The following TYW1B variants were observed in gnomAD, a reference collection of about 807,000 sequenced individuals.
TYW1B encodes the protein S-adenosyl-L-methionine-dependent tRNA 4-demethylwyosine synthase TYW1B.
Under a neutral mutation model 86.9 loss-of-function variants are expected in TYW1B, and 73 were observed. That is an observed-to-expected ratio of 0.84 (90% CI 0.70 to 1.02). TYW1B has a LOEUF of 1.02. TYW1B is among the 50% of genes least tolerant of loss of function. TYW1B has a pLI of 0.00. For missense variants in TYW1B, 637 were observed against 827.4 expected (o/e 0.77, Z 2.82); for synonymous variants, 248 against 292.8 (o/e 0.85, Z 1.56).
chr7:72,676,608 A>AAAT (rs1378339637), intron 11 of TYW1B, among the ~76,000 whole-genome samples: 2 of 152,166 alleles, frequency 1.3e-5, no homozygotes, highest in Middle Eastern at 3.4e-3. Flanking sequence ...CACATGCTTT[A>AAAT]TTTACAGAGA....
At chr7:72,788,410 T>A (rs552499661) in intron 6 of TYW1B, among the ~76,000 whole-genome samples, 23 of 152,260 alleles carry the variant, frequency 1.5e-4, no homozygotes, top group African/African-American at 5.5e-4. Context: ...GGATCAGAAG[T>A]TTTTCAGATT....
chr7:72,697,296 A>C (rs1554451677), intron 10 of TYW1B, among the ~76,000 whole-genome samples: 1 of 152,062 alleles, frequency 6.6e-6, no homozygotes, highest in African/African-American at 2.4e-5. Context: ...AGCCTATACT[A>C]GATGTCTGAG....
rs201777065 is a variant in TYW1B, at chr7:72,713,791, C to T, written c.1200G>A (p.Pro400=). ...CTTCAAAGCGTTCTGCTTTGACGCC[C>T]GGTACTCCTGGAGAATACAGTGAGA... The part of the protein sequence containing the change: ...QNMIKQFKGV[P]GVKAERFEEG... Residue 400 remains proline, a synonymous_variant, in exon 10 of 14, where the codon CCG becomes CCA. Transcript: ENST00000620995. 2.4e-4 allele frequency: 374 copies of T among 1,579,890 alleles called. 1 individual carries two copies. The highest frequency in any genetic ancestry group is 1.2e-3 in the Middle Eastern group (7 of 5,910).
intron 11 of TYW1B, among the ~76,000 whole-genome samples, chr7:72,683,981 C>A (rs1436380828): frequency 2.0e-5 from 3 of 151,976 alleles, no homozygotes. Context: ...TGGCTGAGGA[C>A]GAAATCTCTG....
Position 72,812,973 on chromosome 7 carries a change from C to T in TYW1B, c.238-2308G>A, listed in dbSNP as rs192020348. ...TCTCAACTTGCTGGGATTATATAGG[C>T]AAGAGCCACCCCACCTGGCCTCTGT... On this transcript the variant is annotated intron_variant, in intron 3 of 13. Transcript: ENST00000620995. 6.9e-4 allele frequency among the ~76,000 whole-genome samples: 105 copies of T among 152,122 alleles called. 1 individual carries two copies. Among genetic ancestry groups the T allele is most frequent in the Admixed American group, 5.4e-3 (83 of 15,254 alleles).
intron 6 of TYW1B, among the ~76,000 whole-genome samples, chr7:72,793,116 A>G (rs555564648): frequency 2.6e-5 from 4 of 152,174 alleles, no homozygotes; most frequent in Non-Finnish European, 5.9e-5. Flanking sequence ...AGGCAGGTGG[A>G]TATCTTGAGG....
chr7:72,676,542 T>C (rs1260235233), intron 11 of TYW1B, among the ~76,000 whole-genome samples: 2 of 152,130 alleles, frequency 1.3e-5, no homozygotes, highest in African/African-American at 2.4e-5. Context: ...CTGCCATACC[T>C]GGGCAGGGTG....
chr7:72,711,518 G>A (rs1786666113), intron 10 of TYW1B, among the ~76,000 whole-genome samples: 1 of 129,992 alleles, frequency 7.7e-6, no homozygotes, highest in African/African-American at 3.0e-5. Context: ...AGCCCAGGCT[G>A]GGGTGCAGTG....
At chr7:72,818,597 A>G (rs1383008341) in intron 2 of TYW1B, among the ~76,000 whole-genome samples, 3 of 151,334 alleles carry the variant, frequency 2.0e-5, no homozygotes, top group African/African-American at 7.3e-5. Context: ...AAAAAAAAAA[A>G]AAAAGGAAAA....
At chr7:72,827,362 T>C (rs1788952286) in intron 1 of TYW1B, among the ~76,000 whole-genome samples, 2 of 151,904 alleles carry the variant, frequency 1.3e-5, no homozygotes, top group Admixed American at 1.3e-4. Context: ...GAGCCAAGAT[T>C]GCGCCACCGC....
intron 13 of TYW1B, among the ~76,000 whole-genome samples, chr7:72,590,714 G>C (rs1339233161): frequency 1.3e-5 from 2 of 152,124 alleles, no homozygotes; most frequent in African/African-American, 4.8e-5. Context: ...AACACTGAGA[G>C]GCAAAGAATC....
At chr7:72,703,790 G>A (rs1814546885) in intron 10 of TYW1B, among the ~76,000 whole-genome samples, 2 of 151,678 alleles carry the variant, frequency 1.3e-5, no homozygotes, top group South Asian at 4.2e-4. Context: ...GAAAGGCAGA[G>A]GCTGCAGTGA....
chr7:72,696,725 T>C lies in TYW1B; in HGVS notation c.1371-1903A>G, dbSNP rs540354664. 6.0e-3 allele frequency among the ~76,000 whole-genome samples: 921 copies of C among 152,260 alleles called. 12 individuals carry two copies. Among genetic ancestry groups the C allele is most frequent in the African/African-American group, 0.021 (874 of 41,554 alleles). ...CTTGCAATGATGTGGCTTAGTGATA[T>C]ATAGAAAAATCACAAGTGTCTAGAC... On this transcript the variant is annotated intron_variant, in intron 10 of 13. Coordinates refer to ENST00000620995, the MANE Select transcript of TYW1B (RefSeq NM_001145440.3).
At chr7:72,607,929 C>T (rs144451063) in intron 13 of TYW1B, among the ~76,000 whole-genome samples, 1,652 of 152,176 alleles carry the variant, frequency 0.011, 17 homozygotes, top group Middle Eastern at 0.024. Flanking sequence ...AAACTCAAGA[C>T]CTGAATATTT....
intron 11 of TYW1B, among the ~76,000 whole-genome samples, chr7:72,662,418 T>G (rs75162757): frequency 0.023 from 1,140 of 49,382 alleles, 10 homozygotes; most frequent in Non-Finnish European, 0.032. Context: ...AGGTTTTTAA[T>G]ATATATATAT....
chr7:72,687,765 A>T (rs1814044911), intron 11 of TYW1B, among the ~76,000 whole-genome samples: 1 of 151,954 alleles, frequency 6.6e-6, no homozygotes, highest in South Asian at 2.1e-4. Flanking sequence ...ATATAAAAAT[A>T]TAGTTGAAGG....
intron 13 of TYW1B, among the ~76,000 whole-genome samples, chr7:72,603,092 TGATG>T (rs61589472): frequency 0.02 from 2,908 of 147,074 alleles, 63 homozygotes; most frequent in African/African-American, 0.053. Context: ...GACAGACAGA[TGATG>T]GATGGATGGA....
chr7:72,654,692 C>A (rs755885256), intron 11 of TYW1B, among the ~76,000 whole-genome samples: 1 of 152,134 alleles, frequency 6.6e-6, no homozygotes, highest in Admixed American at 6.6e-5. Context: ...ACCAGCCTGG[C>A]CAATACAGTG....
At chr7:72,808,958 C>T (rs1195031044) in intron 4 of TYW1B, among the ~76,000 whole-genome samples, 4 of 151,712 alleles carry the variant, frequency 2.6e-5, no homozygotes, top group Non-Finnish European at 4.4e-5. Flanking sequence ...GAGGCTCCAT[C>T]GTTTCATTTT....
Sources: allele counts gnomAD v4.1 joint callset (sites outside exome capture counted in the v4.1 genomes callset), GRCh38; gene constraint gnomAD v4.1.1; transcripts MANE v1.5; gene names NCBI Gene and HGNC (gene_info 2026-07-23, HGNC 2026-07-21).